Variants in LRP1B observed in about 807,000 individuals in gnomAD.
LRP1B encodes the protein low-density lipoprotein receptor-related protein 1B.
LRP1B carries 217 observed loss-of-function variants against 556.6 expected under a neutral mutation model. That is an observed-to-expected ratio of 0.39 (90% CI 0.35 to 0.44). LRP1B has a LOEUF of 0.44. Among genes scored for constraint, LRP1B ranks in the 20% least tolerant of loss-of-function variants. The pLI is 1.00. For missense variants in LRP1B, 5,053 were observed against 5,620.8 expected (o/e 0.90, Z 3.23); for synonymous variants, 2,047 against 1,865.8 (o/e 1.10, Z -2.50).
At chr2:141,139,103 A>C (rs183105261) in intron 7 of LRP1B, among the ~76,000 whole-genome samples, 1 of 152,054 alleles carries the variant, frequency 6.6e-6, no homozygotes, top group Admixed American at 6.6e-5. Flanking sequence ...GAGAAACAAT[A>C]GTTTTTTCAA....
At chr2:141,491,280 C>T (rs1412801233) in intron 2 of LRP1B, among the ~76,000 whole-genome samples, 2 of 151,970 alleles carry the variant, frequency 1.3e-5, no homozygotes, top group Non-Finnish European at 2.9e-5. Flanking sequence ...CCTATTGAGT[C>T]CTTAAGATAT....
At chr2:141,136,246 T>C (rs1391381932) in intron 7 of LRP1B, among the ~76,000 whole-genome samples, 1 of 151,888 alleles carries the variant, frequency 6.6e-6, no homozygotes, top group African/African-American at 2.4e-5. Flanking sequence ...GAGGGTTAAC[T>C]GGAAAATAGA....
chr2:141,478,706 G>C (rs1374390279), intron 3 of LRP1B, among the ~76,000 whole-genome samples: 1 of 151,892 alleles, frequency 6.6e-6, no homozygotes, highest in Non-Finnish European at 1.5e-5. Context: ...ACCACAGCCG[G>C]CTAATTTTTT....
At position 142,076,589 on chromosome 2, in the gene LRP1B, G is replaced by A. The variant is rs115432051; in HGVS notation, c.82+54059C>T. ...GACACAAAGTTCCACATCAAAAGAG[G>A]ATAAGAAGGAGTCCTGGAAAACTGT... is the stretch of plus-strand genomic sequence containing the variant. On this transcript the variant is annotated intron_variant, in intron 1 of 90. Coordinates refer to ENST00000389484, the MANE Select transcript of LRP1B (RefSeq NM_018557.3). 7.4e-3 allele frequency among the ~76,000 whole-genome samples: 1,132 copies of A among 152,166 alleles called. 17 individuals are homozygous for A. Among genetic ancestry groups the A allele is most frequent in the African/African-American group, 0.026 (1,088 of 41,542 alleles).
chr2:141,855,268 A>T (rs1698012127), intron 1 of LRP1B, among the ~76,000 whole-genome samples: 1 of 152,124 alleles, frequency 6.6e-6, no homozygotes, highest in Non-Finnish European at 1.5e-5. Flanking sequence ...TCTGTTGTTC[A>T]TAAAAAAAAA....
chr2:141,404,438 A>G (rs1027858314), intron 3 of LRP1B, among the ~76,000 whole-genome samples: 51 of 152,192 alleles, frequency 3.4e-4, no homozygotes, highest in African/African-American at 1.2e-3. Context: ...AAAATATGTA[A>G]GAGGAAAAAG....
intron 2 of LRP1B, among the ~76,000 whole-genome samples, chr2:141,772,084 G>A (rs1030200309): frequency 6.6e-6 from 1 of 152,050 alleles, no homozygotes; most frequent in African/African-American, 2.4e-5. Context: ...CCAAAGTGCT[G>A]GGATTACCAC....
chr2:141,510,195 GACACACACACAC>G (rs59647485), intron 2 of LRP1B, among the ~76,000 whole-genome samples: 5 of 95,110 alleles, frequency 5.3e-5, no homozygotes, highest in Admixed American at 1.2e-4. Flanking sequence ...CGGCAATACA[GACACACACACAC>G]ACACACACAC....
In LRP1B at chr2:140,541,857, C is replaced by T. The variant is rs2105020377; in HGVS notation, c.7309G>A (p.Gly2437Arg). The change falls in exon 44 of 91, where the codon GGA becomes AGA. Residue 2437 changes from glycine (G) to arginine (R), a missense_variant. By Grantham distance (125) the Gly-to-Arg change is moderately radical. This residue lies in a region of LRP1B where 3,619 missense variants were observed against 3,931.9 expected (regional missense o/e 0.92). Transcript: ENST00000389484. ...AILRSNKYTG[G>R]DTKILRSDIP... ...TCGGAACGAAGAATTTTTGTATCTC[C>T]TCCTGTGTACTTGTTGGACCGCAGT... The T allele has an allele frequency of 1.2e-6, 2 of 1,612,876 alleles. No homozygotes were observed. The highest frequency in any genetic ancestry group is 1.7e-6 in the Non-Finnish European group (2 of 1,179,196).
chr2:141,248,544 G>A (rs901326513), intron 4 of LRP1B, among the ~76,000 whole-genome samples: 12 of 152,070 alleles, frequency 7.9e-5, no homozygotes, highest in South Asian at 2.1e-4. Flanking sequence ...GCATGCGAAC[G>A]GTATTGGGAT....
intron 3 of LRP1B, among the ~76,000 whole-genome samples, chr2:141,416,741 T>C (rs1435922848): frequency 1.3e-5 from 2 of 152,098 alleles, no homozygotes; most frequent in Non-Finnish European, 1.5e-5. Flanking sequence ...ATTTTTTTCA[T>C]TGTTGTGTTT....
At chr2:141,592,359 A>G (rs1046174782) in intron 2 of LRP1B, among the ~76,000 whole-genome samples, 1 of 152,102 alleles carries the variant, frequency 6.6e-6, no homozygotes, top group Non-Finnish European at 1.5e-5. Flanking sequence ...AAGGACCTGC[A>G]TTTTGGTTTC....
intron 2 of LRP1B, among the ~76,000 whole-genome samples, chr2:141,613,584 T>G (rs1179019122): frequency 1.3e-5 from 2 of 152,126 alleles, no homozygotes; most frequent in Non-Finnish European, 2.9e-5. Flanking sequence ...TAATAAGAAA[T>G]CAACTTGGAC....
chr2:140,741,360 C>T (rs1241742413), intron 35 of LRP1B, among the ~76,000 whole-genome samples: 1 of 152,100 alleles, frequency 6.6e-6, no homozygotes, highest in Non-Finnish European at 1.5e-5. Context: ...CATATAATAA[C>T]TGAACAGAAA....
At chr2:142,060,404 T>C (rs1484373492) in intron 1 of LRP1B, among the ~76,000 whole-genome samples, 1 of 152,046 alleles carries the variant, frequency 6.6e-6, no homozygotes, top group Non-Finnish European at 1.5e-5. Context: ...AGAAAATCTA[T>C]TGTCAGGGAC....
chr2:141,328,455 T>C (rs2683864), intron 3 of LRP1B, among the ~76,000 whole-genome samples: 90,614 of 152,054 alleles, frequency 0.6, 28,206 homozygotes, highest in African/African-American at 0.73. Flanking sequence ...CTCCTCATGC[T>C]CAATCCTTCC....
At chr2:141,489,737 A>C (rs1683262201) in intron 2 of LRP1B, among the ~76,000 whole-genome samples, 1 of 152,156 alleles carries the variant, frequency 6.6e-6, no homozygotes, top group African/African-American at 2.4e-5. Flanking sequence ...AGTGCATTAA[A>C]TAAAACAAAT....
chr2:140,929,035 G>T (rs935995859), intron 20 of LRP1B, among the ~76,000 whole-genome samples: 3 of 151,994 alleles, frequency 2.0e-5, no homozygotes, highest in Non-Finnish European at 4.4e-5. Context: ...GAGAAGTGAC[G>T]GTGATATAAT....
intron 6 of LRP1B, among the ~76,000 whole-genome samples, chr2:141,227,345 T>A (rs1260903125): frequency 6.6e-6 from 1 of 152,218 alleles, no homozygotes; most frequent in South Asian, 2.1e-4. Flanking sequence ...AAAATACATT[T>A]GGATTAGTTG....
Sources: allele counts gnomAD v4.1 joint callset (sites outside exome capture counted in the v4.1 genomes callset), GRCh38; gene constraint gnomAD v4.1.1; regional missense constraint gnomAD v4.1.1; transcripts MANE v1.5; gene names NCBI Gene and HGNC (gene_info 2026-07-23, HGNC 2026-07-21).